Variants in PIP5K1B observed in about 807,000 individuals in gnomAD.
PIP5K1B encodes the protein phosphatidylinositol-4-phosphate 5-kinase type 1 beta.
Under a neutral mutation model 67.0 loss-of-function variants are expected in PIP5K1B, and 42 were observed. The observed-to-expected ratio is 0.63, with a 90% CI of 0.49 to 0.81. The LOEUF (loss-of-function observed/expected upper bound fraction) is 0.81. PIP5K1B is among the 30% of genes least tolerant of loss of function. The probability of loss-of-function intolerance (pLI) is 0.00; values close to 1 mark genes in which losing one functional copy is unlikely to be tolerated. For missense variants in PIP5K1B, 459 were observed against 646.3 expected (o/e 0.71, Z 3.14); for synonymous variants, 214 against 231.4 (o/e 0.92, Z 0.68).
chr9:68,738,522 G>A (rs985030552), intron 1 of PIP5K1B, among the ~76,000 whole-genome samples: 1 of 152,156 alleles, frequency 6.6e-6, no homozygotes, highest in African/African-American at 2.4e-5. Context: ...GTCATCTTGG[G>A]CCAGCAGTTG....
chr9:68,902,210 G>A (rs73461618), intron 8 of PIP5K1B, among the ~76,000 whole-genome samples: 4,446 of 152,296 alleles, frequency 0.029, 198 homozygotes, highest in African/African-American at 0.095. Context: ...GTCAAGTACA[G>A]AACAGTTCTT....
intron 15 of PIP5K1B, among the ~76,000 whole-genome samples, chr9:68,994,942 C>T (rs150894477): frequency 1.7e-3 from 251 of 151,340 alleles, no homozygotes; most frequent in African/African-American, 5.7e-3. Context: ...TCGAGACCAG[C>T]CAAGGCAACA....
At chr9:68,845,379 C>T (rs984636305) in intron 4 of PIP5K1B, among the ~76,000 whole-genome samples, 11 of 152,146 alleles carry the variant, frequency 7.2e-5, no homozygotes, top group African/African-American at 1.7e-4. Context: ...GAGCCAGAGC[C>T]GTGGAGCCGT....
intron 4 of PIP5K1B, among the ~76,000 whole-genome samples, chr9:68,840,727 T>C (rs1319846615): frequency 6.6e-6 from 1 of 152,212 alleles, no homozygotes; most frequent in African/African-American, 2.4e-5. Context: ...TAACAACCCA[T>C]ATTATTACAT....
chr9:68,726,591 A>G (rs1448919860), intron 1 of PIP5K1B, among the ~76,000 whole-genome samples: 1 of 152,232 alleles, frequency 6.6e-6, no homozygotes, highest in Non-Finnish European at 1.5e-5. Flanking sequence ...TGCAGGCTAC[A>G]GTACAAATAT....
At chr9:68,850,421 G>A (rs946656873) in intron 4 of PIP5K1B, among the ~76,000 whole-genome samples, 6 of 152,170 alleles carry the variant, frequency 3.9e-5, no homozygotes, top group African/African-American at 1.4e-4. Context: ...GTGCATTGTA[G>A]GATGTTTAGC....
intron 1 of PIP5K1B, among the ~76,000 whole-genome samples, chr9:68,725,303 G>A (rs117556345): frequency 0.017 from 2,623 of 152,192 alleles, 32 homozygotes; most frequent in Non-Finnish European, 0.027. Flanking sequence ...ACTTTGGTGC[G>A]CCCTGGTCAA....
chr9:68,832,179 A>G (rs1272824010), intron 4 of PIP5K1B, among the ~76,000 whole-genome samples: 1 of 152,278 alleles, frequency 6.6e-6, no homozygotes, highest in African/African-American at 2.4e-5. Context: ...GAAGATGACT[A>G]AAGTGATCAT....
At chr9:68,927,227 G>A (rs1487188550) in intron 12 of PIP5K1B, among the ~76,000 whole-genome samples, 5 of 152,096 alleles carry the variant, frequency 3.3e-5, no homozygotes, top group African/African-American at 9.7e-5. Context: ...ATGCTGTTAC[G>A]AACATTCATG....
At position 68,952,633 on chromosome 9, in the gene PIP5K1B, AGATT is replaced by A. The variant is rs1340364100; in HGVS notation, c.1502+11844_1502+11847del. On this transcript the variant is annotated intron_variant, in intron 14 of 15. Coordinates refer to ENST00000265382, the MANE Select transcript of PIP5K1B (RefSeq NM_003558.4). ...ATTCTAACCCTAACACTTGATTGAT[AGATT>A]AACTAGTATAGAATTCTAGATTGCA... 3.3e-5 allele frequency among the ~76,000 whole-genome samples: 5 copies of A among 152,162 alleles called. No individual in the cohort carries two copies. The South Asian group carries it at 1.0e-3, about 32-fold the overall frequency.
chr9:68,921,944 C>T (rs1826427027), intron 11 of PIP5K1B, among the ~76,000 whole-genome samples: 1 of 152,064 alleles, frequency 6.6e-6, no homozygotes, highest in Non-Finnish European at 1.5e-5. Context: ...ATATCATGAA[C>T]CTATTTTTGT....
chr9:68,761,593 T>G (rs757002991), intron 2 of PIP5K1B, among the ~76,000 whole-genome samples: 1 of 152,150 alleles, frequency 6.6e-6, no homozygotes, highest in African/African-American at 2.4e-5. Context: ...TTGGAGGCTC[T>G]GGGGAAGAAT....
At chr9:68,925,227 A>G (rs1299575629) in intron 12 of PIP5K1B, among the ~76,000 whole-genome samples, 1 of 152,082 alleles carries the variant, frequency 6.6e-6, no homozygotes, top group Non-Finnish European at 1.5e-5. Flanking sequence ...ACATAATTTC[A>G]GATAAACGTT....
At chr9:68,967,947 T>TA (rs1829123635) in intron 14 of PIP5K1B, among the ~76,000 whole-genome samples, 1 of 9,576 alleles carries the variant, frequency 1.0e-4, no homozygotes, top group Non-Finnish European at 3.1e-3. Context: ...GAAGGATTGC[T>TA]CCCCAAAACC....
intron 2 of PIP5K1B, among the ~76,000 whole-genome samples, chr9:68,786,770 G>A (rs1314661367): frequency 6.6e-6 from 1 of 152,126 alleles, no homozygotes; most frequent in Admixed American, 6.5e-5. Flanking sequence ...AAAGGGACTG[G>A]TAGCTAACTG....
At chr9:68,940,856 T>C (rs1827525605) in intron 14 of PIP5K1B, 66 bp downstream of exon 14, 1 of 1,421,988 alleles carries the variant, frequency 7.0e-7, no homozygotes, top group Non-Finnish European at 9.9e-7. Flanking sequence ...CCTGAACCAG[T>C]ATCTCTGAAT....
intron 8 of PIP5K1B, among the ~76,000 whole-genome samples, chr9:68,914,137 T>G (rs545823318): frequency 6.6e-6 from 1 of 152,316 alleles, no homozygotes; most frequent in East Asian, 1.9e-4. Context: ...GGAAAATGCT[T>G]TGCAGAGGTT....
chr9:68,938,502 A>G (rs1236934563), intron 13 of PIP5K1B, among the ~76,000 whole-genome samples: 1 of 151,954 alleles, frequency 6.6e-6, no homozygotes, highest in African/African-American at 2.4e-5. Flanking sequence ...TGCACATGAG[A>G]TGGGTCTCCT....
chr9:69,006,133 A>G (rs1407919844), intron 15 of PIP5K1B, among the ~76,000 whole-genome samples: 1 of 152,042 alleles, frequency 6.6e-6, no homozygotes, highest in Non-Finnish European at 1.5e-5. Context: ...TCAGCCCCAC[A>G]AAGTGCTGGG....
Sources: gnomAD v4.1 joint callset for allele counts (sites outside exome capture counted in the v4.1 genomes callset) on GRCh38, gnomAD v4.1.1 for gene constraint, MANE v1.5 for transcripts, NCBI Gene and HGNC (gene_info 2026-07-23, HGNC 2026-07-21) for gene names.